The following ARHGAP17 variants were observed in gnomAD, a reference collection of about 807,000 sequenced individuals.
The protein encoded by ARHGAP17 is Rho GTPase activating protein 17.
A neutral mutation model predicts 99.5 loss-of-function variants in ARHGAP17; 57 were observed. The observed-to-expected ratio is 0.57, with a 90% confidence interval of 0.46 to 0.71. ARHGAP17 has a LOEUF of 0.71. Ranked by LOEUF, ARHGAP17 falls within the 30% of genes least tolerant of loss-of-function variation. The pLI is 0.00. For missense variants in ARHGAP17, 1,000 were observed against 1,122.4 expected, an observed-to-expected ratio of 0.89 and a Z score of 1.56; for synonymous variants, 417 against 429.6, an observed-to-expected ratio of 0.97 and a Z score of 0.36.
In ARHGAP17 at chr16:24,958,697, G is replaced by A. The variant is rs531177840; in HGVS notation, c.724+974C>T. ...GTGAGGATCTCCTGGAACTTAGGGG[G>A]AGAAGAAGTCGCATTCTTGAAGGTG... On this transcript the variant is annotated intron_variant, in intron 9 of 19. Transcript: ENST00000289968. Among the ~76,000 whole-genome samples the A allele has an allele frequency of 4.6e-5, 7 of 152,288 alleles. No homozygotes were observed. The East Asian group carries it at 1.4e-3, about 29-fold the overall frequency.
chr16:24,976,357 A>T (rs2052515699), intron 3 of ARHGAP17, among the ~76,000 whole-genome samples: 1 of 152,090 alleles, frequency 6.6e-6, no homozygotes, highest in Admixed American at 6.6e-5. Context: ...CAAGATCCCC[A>T]TCTCTACAAA....
chr16:24,948,673 G>T (rs536814218), intron 13 of ARHGAP17, among the ~76,000 whole-genome samples: 3 of 152,048 alleles, frequency 2.0e-5, no homozygotes, highest in African/African-American at 7.2e-5. Flanking sequence ...TAGCTTAGTA[G>T]GAGAGCCCAA....
intron 3 of ARHGAP17, among the ~76,000 whole-genome samples, chr16:24,973,500 C>T (rs921887471): frequency 1.3e-5 from 2 of 152,184 alleles, no homozygotes; most frequent in Non-Finnish European, 2.9e-5. Context: ...TTTCGTTTGA[C>T]GTTGGAAAAG....
At chr16:25,008,692 G>A (rs113789965) in intron 1 of ARHGAP17, among the ~76,000 whole-genome samples, 17 of 152,288 alleles carry the variant, frequency 1.1e-4, no homozygotes, top group African/African-American at 3.9e-4. Context: ...GTTTTGCCTC[G>A]TCCACTCTGC....
intron 19 of ARHGAP17, among the ~76,000 whole-genome samples, chr16:24,924,318 A>G (rs1218348583): frequency 6.6e-6 from 1 of 152,204 alleles, no homozygotes. Flanking sequence ...TTGCATTCCA[A>G]GAAGGGCTGG....
intron 16 of ARHGAP17, among the ~76,000 whole-genome samples, chr16:24,940,596 G>A (rs1160494283): frequency 6.6e-6 from 1 of 152,162 alleles, no homozygotes; most frequent in Non-Finnish European, 1.5e-5. Context: ...AGCTAGTCAG[G>A]TGTGTGAGGT....
chr16:25,006,388 T>G (rs2053506723), intron 1 of ARHGAP17, among the ~76,000 whole-genome samples: 1 of 147,430 alleles, frequency 6.8e-6, no homozygotes, highest in African/African-American at 2.5e-5. Context: ...AGACAGAGGT[T>G]GCAGTGAGCC....
At chr16:24,930,084 A>G (rs796944610) in intron 19 of ARHGAP17, among the ~76,000 whole-genome samples, 6 of 152,340 alleles carry the variant, frequency 3.9e-5, no homozygotes, top group African/African-American at 1.4e-4. Flanking sequence ...GTTAAATAAA[A>G]TGGTCATGTT....
At position 25,015,351 on chromosome 16, in the gene ARHGAP17, G is replaced by C; in HGVS notation, c.-90C>G. ...TACTACATCGCTTCCCGGCCCAAACGGCGGCGCGGCGGTGGCTCCCCGGGC... is the reference window on the plus strand; with the variant it reads ...TACTACATCGCTTCCCGGCCCAAACCGCGGCGCGGCGGTGGCTCCCCGGGC... On this transcript the variant is annotated 5_prime_UTR_variant, in exon 1 of 20. Transcript: ENST00000289968. The C allele has an allele frequency of 8.6e-7, 1 of 1,161,294 alleles. No individual in the cohort carries two copies. The allele number at this position is 1,161,294 out of a possible 1,614,324, so 71.9% of individuals were successfully genotyped here.
chr16:24,931,909 A>T (rs1463036576), intron 18 of ARHGAP17, among the ~76,000 whole-genome samples: 1 of 152,202 alleles, frequency 6.6e-6, no homozygotes, highest in Admixed American at 6.5e-5. Context: ...TGAGTGCAGG[A>T]GTTCAAGGCC....
At chr16:24,970,452 A>T in intron 4 of ARHGAP17, 55 bp downstream of exon 4, 1 of 1,543,838 alleles carries the variant, frequency 6.5e-7, no homozygotes, top group African/African-American at 1.4e-5. Flanking sequence ...CACCTGGCCC[A>T]GCCACTTCCA....
At chr16:24,945,758 T>C (rs2051453612) in intron 14 of ARHGAP17, among the ~76,000 whole-genome samples, 1 of 152,234 alleles carries the variant, frequency 6.6e-6, no homozygotes, top group African/African-American at 2.4e-5. Flanking sequence ...CTTAAAACTC[T>C]GCTGGATTAG....
chr16:24,933,702 G>C (rs1367652961), intron 18 of ARHGAP17, among the ~76,000 whole-genome samples: 1 of 151,994 alleles, frequency 6.6e-6, no homozygotes, highest in African/African-American at 2.4e-5. Context: ...TGAAATTTAA[G>C]GGTGTGAAGA....
At chr16:24,959,886 C>T in intron 8 of ARHGAP17, 25 bp downstream of exon 8, 2 of 1,610,890 alleles carry the variant, frequency 1.2e-6, no homozygotes, top group Non-Finnish European at 1.7e-6. Flanking sequence ...AATGCTTTAA[C>T]ATTTTCTCAA....
chr16:24,978,827 G>A, intron 2 of ARHGAP17, 139 bp downstream of exon 2: 5 of 652,660 alleles, frequency 7.7e-6, no homozygotes, highest in Non-Finnish European at 1.2e-5. Flanking sequence ...TTTCTTTCCT[G>A]CTCAAAATCA....
intron 12 of ARHGAP17, among the ~76,000 whole-genome samples, chr16:24,950,263 A>G (rs1305537898): frequency 6.6e-6 from 1 of 152,162 alleles, no homozygotes; most frequent in Non-Finnish European, 1.5e-5. Flanking sequence ...TCAATATACC[A>G]ACAGATAGAC....
chr16:24,935,993 C>A, intron 17 of ARHGAP17: 1 of 340,012 alleles, frequency 2.9e-6, no homozygotes, highest in Non-Finnish European at 5.7e-6. Flanking sequence ...GACTGGACTC[C>A]AACGACTCTG....
intron 18 of ARHGAP17, among the ~76,000 whole-genome samples, chr16:24,935,080 A>T (rs1042969974): frequency 6.6e-6 from 1 of 152,138 alleles, no homozygotes; most frequent in African/African-American, 2.4e-5. Flanking sequence ...AGCAGTTCAG[A>T]TTCTGTTAAT....
intron 1 of ARHGAP17, among the ~76,000 whole-genome samples, chr16:24,982,972 A>ATATATATATATATATATATATATT (rs2052720474): frequency 1.0e-4 from 2 of 19,138 alleles, no homozygotes; most frequent in African/African-American, 2.0e-4. Context: ...AATCATATAT[A>ATATATATATATATATATATATATT]TATATATATA....
Sources: allele counts gnomAD v4.1 joint callset (sites outside exome capture counted in the v4.1 genomes callset), GRCh38; gene constraint gnomAD v4.1.1; transcripts MANE v1.5; gene names NCBI Gene and HGNC (gene_info 2026-07-23, HGNC 2026-07-21).